Variants in ERN2 observed in about 807,000 individuals in gnomAD.
ERN2 encodes the protein endoplasmic reticulum to nucleus signaling 2.
In ERN2, 111 loss-of-function variants were observed where a neutral mutation model predicts 107.9. The ratio of observed to expected loss-of-function variants is 1.03; its 90% CI spans 0.88 to 1.20. The LOEUF (loss-of-function observed/expected upper bound fraction) is 1.20. Among genes scored for constraint, ERN2 ranks in the 50% most tolerant of loss-of-function variants. The probability of loss-of-function intolerance (pLI) is 0.00; values close to 1 mark genes in which losing one functional copy is unlikely to be tolerated. For synonymous variants in ERN2, 524 were observed against 501.7 expected, an observed-to-expected ratio of 1.04 and a Z score of -0.59; for missense variants, 1,225 against 1,197.9, an observed-to-expected ratio of 1.02 and a Z score of -0.33.
chr16:23,712,011 C>G, intron 1 of ERN2: 1 of 453,908 alleles, frequency 2.2e-6, no homozygotes, highest in Non-Finnish European at 4.4e-6. Context: ...CCAGTCCCTC[C>G]TTGAGCAAAC....
At position 23,691,115 on chromosome 16, in the gene ERN2, GC is replaced by G; in HGVS notation, c.2568+13del. 1 of 1,613,816 alleles carries G rather than the reference GC, an allele frequency of 6.2e-7. No individual in the cohort carries two copies. The highest frequency in any genetic ancestry group is 1.1e-5 in the South Asian group (1 of 91,074). Reference sequence around the variant, plus strand: ...CTTCCCAAGACCCAGGCCCACCCAGGCCCCAACACATACCTTGTTCCTCACA... The same window carrying G: ...CTTCCCAAGACCCAGGCCCACCCAGGCCCAACACATACCTTGTTCCTCACA... On this transcript the variant is annotated intron_variant, in intron 21 of 21. Coordinates refer to ENST00000256797, the MANE Select transcript of ERN2 (RefSeq NM_033266.4).
In ERN2 at chr16:23,702,150, A is replaced by G; in HGVS notation, c.1203+2T>C. The stretch of plus-strand genomic sequence containing the variant: ...CCCACTCTCTCCCCTCCCAGCACTG[A>G]CCTCCAAGAAGAAGGCTGGGGCCTG... On this transcript the variant is annotated splice_donor_variant, in intron 11 of 21. Transcript: ENST00000256797. LOFTEE classifies it high-confidence loss of function. 1.2e-6 allele frequency: 2 copies of G among 1,612,100 alleles called. No individual in the cohort carries two copies. Among genetic ancestry groups the G allele is most frequent in the South Asian group, 2.2e-5 (2 of 90,896 alleles).
intron 3 of ERN2, 108 bp from the exon 4 acceptor site, chr16:23,710,352 G>A: frequency 8.2e-7 from 1 of 1,212,544 alleles, no homozygotes; most frequent in Non-Finnish European, 1.2e-6. Context: ...GTTCTTGTAG[G>A]AAACATCATG....
intron 4 of ERN2, chr16:23,707,418 C>T (rs1286072156): frequency 1.8e-5 from 6 of 326,384 alleles, no homozygotes; most frequent in Non-Finnish European, 2.9e-5. Flanking sequence ...ACCACCTCCT[C>T]GAAAACTTGC....
chr16:23,710,090 C>T (rs1244643944), intron 4 of ERN2, 82 bp downstream of exon 4: 1 of 918,274 alleles, frequency 1.1e-6, no homozygotes, highest in Non-Finnish European at 1.8e-6. Context: ...AGATACTGAC[C>T]ATACTGCCTC....
At position 23,695,917 on chromosome 16, in the gene ERN2, C is replaced by T. The variant is rs140640126; in HGVS notation, c.1587G>A (p.Gly529=). The stretch of plus-strand genomic sequence containing the variant: ...ACCGGAAAACGAAAGTCCCGCCTGC[C>T]CCGCGGCCCAGCACGTCCTTGGGAT... The part of the protein sequence containing the change: ...SFNPKDVLGR[G]AGGTFVFRGQ... Residue 529 remains glycine (G), a synonymous_variant, in exon 14 of 22, where the codon GGG becomes GGA. Transcript: ENST00000256797. 9.9e-6 allele frequency: 16 copies of T among 1,614,138 alleles called. No homozygotes were observed. The African/African-American group carries it at 1.6e-4, about 16-fold the overall frequency.
rs536943599 is a variant in ERN2, at chr16:23,696,276, A to C, written c.1526-298T>G. On this transcript the variant is annotated intron_variant, in intron 13 of 21. Transcript: ENST00000256797. The stretch of plus-strand genomic sequence containing the variant: ...ATATTATTGTGAGGATTAAATGGAT[A>C]TATGGAAAGAACGGGTGGAGGTGAT... Among the ~76,000 whole-genome samples the C allele has an allele frequency of 3.9e-5, 6 of 152,340 alleles. No individual in the cohort carries two copies. The South Asian group carries it at 1.0e-3, about 26-fold the overall frequency.
chr16:23,713,040 C>G (rs1003344428), intron 1 of ERN2, 55 bp downstream of exon 1: 2 of 1,355,440 alleles, frequency 1.5e-6, no homozygotes, highest in African/African-American at 3.0e-5. Context: ...GCGACGCCGC[C>G]CCCTGCGCCC....
rs754536443 is a variant in ERN2, at chr16:23,705,150, G to T, written c.590-3C>A. ...GCAGGACGCCAGGTGGCTCATGTCT[G>T]CCGAGAAAGGTGGCTGGGGAGATGT... On this transcript the variant is annotated splice_polypyrimidine_tract_variant and splice_region_variant and intron_variant, in intron 7 of 21. Coordinates refer to ENST00000256797, the MANE Select transcript of ERN2 (RefSeq NM_033266.4). The T allele has an allele frequency of 1.9e-6, 3 of 1,610,340 alleles. No individual in the cohort carries two copies. The highest frequency in any genetic ancestry group is 1.7e-4 in the Middle Eastern group (1 of 6,044).
Position 23,707,082 on chromosome 16 carries a change from A to C in ERN2, c.307-3T>G, listed in dbSNP as rs1204450343. 2 of 1,613,154 alleles carry C rather than the reference A, an allele frequency of 1.2e-6. No individual in the cohort carries two copies. Among genetic ancestry groups the C allele is most frequent in the Admixed American group, 1.7e-5 (1 of 60,024 alleles). On this transcript the variant is annotated splice_polypyrimidine_tract_variant and splice_region_variant and intron_variant, in intron 4 of 21. Coordinates refer to ENST00000256797, the MANE Select transcript of ERN2 (RefSeq NM_033266.4). ...TCAGGGATGGTGAATGGCAGTTTCT[A>C]GGAGACGGAAAATTTACAGGAAGGA... is the stretch of plus-strand genomic sequence containing the variant.
At chr16:23,713,074 G>T in intron 1 of ERN2, 21 bp downstream of exon 1, 1 of 1,505,024 alleles carries the variant, frequency 6.6e-7, no homozygotes, top group Admixed American at 2.1e-5. Flanking sequence ...TGGGGACTTG[G>T]CGTCGGTCCC....
rs756094888 is a variant in ERN2 at position 23,690,922 on chromosome 16, A to G, written c.2690T>C (p.Met897Thr). 3 of 1,613,960 alleles carry G rather than the reference A, an allele frequency of 1.9e-6. No homozygotes were observed. Among genetic ancestry groups the G allele is most frequent in the South Asian group, 1.1e-5 (1 of 91,084 alleles). Residue 897 changes from methionine to threonine, a missense_variant, in exon 22 of 22, where the codon ATG becomes ACG. Coordinates refer to ENST00000256797, the MANE Select transcript of ERN2 (RefSeq NM_033266.4). Reference protein sequence around the residue: ...PRLLLHTHRAMRSCASESLFL... With the variant: ...PRLLLHTHRATRSCASESLFL... ...GAGGCTCTCAGAGGCGCAGCTCCTC[A>G]TGGCTCGGTGCGTGTGGAGGAGCAG...
intron 2 of ERN2, 149 bp from the exon 3 acceptor site, chr16:23,710,698 G>A (rs972743927): frequency 9.8e-7 from 1 of 1,020,354 alleles, no homozygotes; most frequent in African/African-American, 1.6e-5. Context: ...GTCAGATAGG[G>A]TCATATCCTT....
rs377218413 is a variant in ERN2, at chr16:23,706,390, G to A, written c.529C>T (p.Arg177Cys). Reference protein sequence around the residue: ...TMHDPRAPALRWNTTYRRYSA... With the variant: ...TMHDPRAPALCWNTTYRRYSA... ...TAGCGGCGGTAGGTGGTGTTCCAGC[G>A]CAGGGCTGGGGCTCTTGGGTCATGC... Residue 177 changes from arginine (R) to cysteine (C), a missense_variant, in exon 7 of 22, where the codon CGC becomes TGC. Physicochemically the swap from Arg to Cys is radical, Grantham distance 180 (BLOSUM62 -3). Transcript: ENST00000256797. 2.3e-5 allele frequency: 36 copies of A among 1,573,730 alleles called. No homozygotes were observed. Among genetic ancestry groups the A allele is most frequent in the Admixed American group, 9.3e-5 (5 of 53,576 alleles).
chr16:23,711,121 G>T, intron 1 of ERN2, 103 bp from the exon 2 acceptor site: 1 of 715,812 alleles, frequency 1.4e-6, no homozygotes. Flanking sequence ...CCCCAGATGG[G>T]GATGCAGCAG....
In ERN2 at chr16:23,691,375, C is replaced by A; in HGVS notation, c.2427G>T (p.Arg809Ser). The stretch of plus-strand genomic sequence containing the variant: ...CTGCGCAGCCTCCCGCCTCCAGTGC[C>A]CTCACCAGGGGCTCCTGCTCGGACT... ...EKESEQEPLVRALEAGGCAVV... is the reference protein window; with the variant it reads ...EKESEQEPLVSALEAGGCAVV... Residue 809 changes from arginine to serine, a missense_variant, in exon 20 of 22, where the codon AGG becomes AGT. Physicochemically the swap from Arg to Ser is moderately radical, Grantham distance 110. Coordinates refer to ENST00000256797, the MANE Select transcript of ERN2 (RefSeq NM_033266.4). The A allele has an allele frequency of 6.2e-7, 1 of 1,602,868 alleles. No individual in the cohort carries two copies. Among genetic ancestry groups the A allele is most frequent in the Non-Finnish European group, 8.5e-7 (1 of 1,179,918 alleles).
intron 14 of ERN2, 101 bp from the exon 15 acceptor site, chr16:23,695,490 C>G (rs1277617439): frequency 8.3e-7 from 1 of 1,201,594 alleles, no homozygotes; most frequent in Non-Finnish European, 1.2e-6. Flanking sequence ...CTTTGGGAGG[C>G]CAAGGCGGGC....
chr16:23,704,994 A>C lies in ERN2; in HGVS notation c.743T>G (p.Leu248Arg). The change falls in exon 8 of 22, where the codon CTG (leucine) becomes CGG (arginine). Residue 248 changes from leucine (L) to arginine (R), a missense_variant. Transcript: ENST00000256797. ...DGLRQLPHLT[L>R]ARDTLHFLAL... ...GAGGAAATGCAGAGTGTCTCGAGCC[A>C]GCGTGAGATGCGGCAGCTGGCGCAG... The C allele has an allele frequency of 6.2e-7, 1 of 1,614,052 alleles. No homozygotes were observed. Among genetic ancestry groups the C allele is most frequent in the Non-Finnish European group, 8.5e-7 (1 of 1,180,012 alleles).
At chr16:23,694,311 T>G (rs1354994542) in intron 17 of ERN2, among the ~76,000 whole-genome samples, 2 of 152,214 alleles carry the variant, frequency 1.3e-5, no homozygotes, top group Non-Finnish European at 2.9e-5. Context: ...GCATTCTTTT[T>G]TTAAGTTGCG....
Sources: allele counts gnomAD v4.1 joint callset (sites outside exome capture counted in the v4.1 genomes callset), GRCh38; gene constraint gnomAD v4.1.1; transcripts MANE v1.5; gene names NCBI Gene and HGNC (gene_info 2026-07-23, HGNC 2026-07-21).